Variants in SP100 observed in about 807,000 individuals in gnomAD.
SP100 encodes SP100 nuclear body protein.
SP100 carries 84 observed loss-of-function variants against 130.0 expected under a neutral mutation model. The ratio of observed to expected loss-of-function variants is 0.65; its 90% CI spans 0.54 to 0.77. SP100 has a LOEUF of 0.77. SP100 is among the 30% of genes least tolerant of loss of function. The pLI is 0.00. For synonymous variants in SP100, 331 were observed against 351.7 expected (o/e 0.94, Z 0.66); for missense variants, 978 against 1,052.2 (o/e 0.93, Z 0.97).
intron 5 of SP100, among the ~76,000 whole-genome samples, chr2:230,448,062 T>C (rs1176144914): frequency 7.9e-5 from 12 of 152,250 alleles, no homozygotes; most frequent in Admixed American, 7.2e-4. Context: ...TTAGGAGCTC[T>C]GGCCAGGAGC....
intron 6 of SP100, 187 bp from the exon 7 acceptor site, chr2:230,449,374 T>TGCC: frequency 1.3e-6 from 1 of 795,876 alleles, no homozygotes; most frequent in Non-Finnish European, 2.2e-6. Flanking sequence ...TGGTTCCTGC[T>TGCC]GCCGCTGAGC....
At position 230,471,070 on chromosome 2, in the gene SP100, T is replaced by C. The variant is rs549487238; in HGVS notation, c.1429+972T>C. ...GAGATAATAGGAATGGAACCAGCTA[T>C]ATAATATACAAAATACCTAGAAAGA... On this transcript the variant is annotated intron_variant, in intron 15 of 28. Coordinates refer to ENST00000340126, the MANE Select transcript of SP100 (RefSeq NM_001080391.2). 5.9e-5 allele frequency among the ~76,000 whole-genome samples: 9 copies of C among 152,132 alleles called. No individual in the cohort carries two copies. The South Asian group carries it at 1.0e-3, about 18-fold the overall frequency.
intron 2 of SP100, among the ~76,000 whole-genome samples, chr2:230,429,224 C>T (rs1319663235): frequency 6.6e-6 from 1 of 152,162 alleles, no homozygotes; most frequent in Non-Finnish European, 1.5e-5. Context: ...CCAGGTATAA[C>T]ATTCTTGGTC....
chr2:230,521,134 G>A (rs550824487), intron 24 of SP100, among the ~76,000 whole-genome samples: 3 of 152,268 alleles, frequency 2.0e-5, no homozygotes, highest in Non-Finnish European at 4.4e-5. Context: ...TGGCCTGTAG[G>A]TTTTCACCAT....
At chr2:230,461,091 C>T (rs953158824) in intron 8 of SP100, among the ~76,000 whole-genome samples, 171 bp from the exon 9 acceptor site, 1 of 151,722 alleles carries the variant, frequency 6.6e-6, no homozygotes, top group Non-Finnish European at 1.5e-5. Context: ...AAAAACAAAA[C>T]AGAGCCAAGA....
At chr2:230,423,465 T>G (rs2062831735) in intron 2 of SP100, among the ~76,000 whole-genome samples, 1 of 152,132 alleles carries the variant, frequency 6.6e-6, no homozygotes, top group African/African-American at 2.4e-5. Flanking sequence ...TCCACTACTC[T>G]TATTTTCTGT....
intron 5 of SP100, among the ~76,000 whole-genome samples, chr2:230,447,775 A>G (rs1339209857): frequency 6.6e-6 from 1 of 152,154 alleles, no homozygotes; most frequent in Non-Finnish European, 1.5e-5. Flanking sequence ...TTCTTTATGG[A>G]CATTCCATTA....
chr2:230,540,816 G>T, intron 25 of SP100, 60 bp from the exon 26 acceptor site: 1 of 1,569,136 alleles, frequency 6.4e-7, no homozygotes, highest in Non-Finnish European at 8.7e-7. Flanking sequence ...TTGAACAACT[G>T]TAGGAATGGC....
At chr2:230,468,791 T>G (rs894556085) in intron 13 of SP100, 1 of 231,622 alleles carries the variant, frequency 4.3e-6, no homozygotes, top group South Asian at 9.4e-5. Flanking sequence ...GCCCTCCAGC[T>G]TGGCTGACAG....
intron 2 of SP100, among the ~76,000 whole-genome samples, chr2:230,434,869 T>G (rs2063202617): frequency 6.6e-6 from 1 of 152,196 alleles, no homozygotes; most frequent in Non-Finnish European, 1.5e-5. Context: ...CCGACAGACA[T>G]GAGCAAAAGG....
intron 8 of SP100, among the ~76,000 whole-genome samples, chr2:230,461,060 G>A (rs997248120): frequency 1.3e-5 from 2 of 151,832 alleles, no homozygotes; most frequent in Non-Finnish European, 2.9e-5. Context: ...AGAATGAGAC[G>A]AGTAGGTAAA....
intron 27 of SP100, among the ~76,000 whole-genome samples, chr2:230,541,591 T>A (rs776189325): frequency 5.3e-5 from 8 of 152,178 alleles, no homozygotes; most frequent in South Asian, 2.1e-4. Context: ...TAGGGTCCGG[T>A]TCTGGAGAGG....
intron 1 of SP100, among the ~76,000 whole-genome samples, chr2:230,417,240 A>G (rs535153042): frequency 7.9e-5 from 12 of 152,118 alleles, no homozygotes; most frequent in Non-Finnish European, 1.8e-4. Flanking sequence ...TTCTTGATTT[A>G]TAATAAATTA....
chr2:230,428,481 C>T (rs1393238965), intron 2 of SP100, among the ~76,000 whole-genome samples: 14 of 149,892 alleles, frequency 9.3e-5, no homozygotes, highest in East Asian at 6.0e-4. Context: ...CTCGCTCTGT[C>T]GCCCAGGCTG....
At position 230,506,225 on chromosome 2, in the gene SP100, C is replaced by A. The variant is rs958477913; in HGVS notation, c.1871-78C>A. ...ACGATCCTAAGCCCAAAGTGGGTGG[C>A]CCCAGACCCCAGCATGGGGGGAGGC... is the stretch of plus-strand genomic sequence containing the variant. On this transcript the variant is annotated intron_variant, in intron 21 of 28. Coordinates refer to ENST00000340126, the MANE Select transcript of SP100 (RefSeq NM_001080391.2). 3.3e-6 allele frequency: 5 copies of A among 1,534,290 alleles called. No individual in the cohort carries two copies. In the South Asian group the frequency reaches 5.8e-5, roughly 18 times the overall value.
At chr2:230,457,585 C>A (rs1332455407) in intron 8 of SP100, among the ~76,000 whole-genome samples, 1 of 152,144 alleles carries the variant, frequency 6.6e-6, no homozygotes, top group African/African-American at 2.4e-5. Context: ...TCTCCTTTCC[C>A]CAAGCATATT....
At chr2:230,521,283 A>G (rs552152005) in intron 24 of SP100, among the ~76,000 whole-genome samples, 3 of 152,296 alleles carry the variant, frequency 2.0e-5, no homozygotes, top group African/African-American at 7.2e-5. Context: ...TTGAAATCTC[A>G]GAAAGCTCCA....
chr2:230,538,920 A>T, intron 24 of SP100: 1 of 176,932 alleles, frequency 5.7e-6, no homozygotes, highest in Non-Finnish European at 1.2e-5. Flanking sequence ...TTGGCAAGTC[A>T]GTTTAAAGGA....
At chr2:230,419,052 T>C (rs2062697197) in intron 2 of SP100, among the ~76,000 whole-genome samples, 1 of 152,228 alleles carries the variant, frequency 6.6e-6, no homozygotes, top group Non-Finnish European at 1.5e-5. Context: ...ATGTATATTA[T>C]TACTTTAAAA....
Sources: allele counts gnomAD v4.1 joint callset (sites outside exome capture counted in the v4.1 genomes callset), GRCh38; gene constraint gnomAD v4.1.1; transcripts MANE v1.5; gene names NCBI Gene and HGNC (gene_info 2026-07-23, HGNC 2026-07-21).